Variants in TRHDE observed in about 807,000 individuals in gnomAD.
TRHDE encodes the protein thyrotropin-releasing hormone-degrading ectoenzyme.
A neutral mutation model predicts 125.7 loss-of-function variants in TRHDE; 72 were observed. The ratio of observed to expected loss-of-function variants is 0.57; its 90% CI spans 0.47 to 0.70. The LOEUF is 0.70. TRHDE is among the 30% of genes least tolerant of loss of function. The probability of loss-of-function intolerance (pLI) is 0.00; values close to 1 mark genes in which losing one functional copy is unlikely to be tolerated. For missense variants in TRHDE, 1,110 were observed against 1,327.1 expected (o/e 0.84, Z 2.54); for synonymous variants, 509 against 509.1 (o/e 1.00, Z 0.00).
chr12:72,519,480 G>C (rs1437204313), intron 6 of TRHDE, among the ~76,000 whole-genome samples: 1 of 152,064 alleles, frequency 6.6e-6, no homozygotes, highest in Admixed American at 6.6e-5. Flanking sequence ...CTCGAGCCTT[G>C]GTTTTCAGCT....
intron 2 of TRHDE, among the ~76,000 whole-genome samples, chr12:72,179,686 A>G (rs1420532904): frequency 1.3e-5 from 2 of 152,034 alleles, no homozygotes; most frequent in African/African-American, 2.4e-5. Context: ...TTTTGACCTC[A>G]TATTATAGCT....
chr12:72,540,032 T>G (rs1869062743), intron 6 of TRHDE, among the ~76,000 whole-genome samples: 1 of 151,788 alleles, frequency 6.6e-6, no homozygotes, highest in Admixed American at 6.6e-5. Flanking sequence ...AAGTTTATAA[T>G]GAGCTCTGCC....
intron 2 of TRHDE, among the ~76,000 whole-genome samples, chr12:72,192,143 T>G (rs1877353104): frequency 6.6e-6 from 1 of 152,130 alleles, no homozygotes; most frequent in African/African-American, 2.4e-5. Flanking sequence ...AGTGATTTTA[T>G]GTAATATTAG....
intron 2 of TRHDE, among the ~76,000 whole-genome samples, chr12:72,322,279 T>C (rs1011705037): frequency 2.0e-5 from 3 of 152,104 alleles, no homozygotes; most frequent in Non-Finnish European, 4.4e-5. Context: ...GTGCCACTTA[T>C]TTTCTTGCAT....
intron 2 of TRHDE, among the ~76,000 whole-genome samples, chr12:72,320,711 A>G (rs1162703678): frequency 6.6e-6 from 1 of 152,180 alleles, no homozygotes; most frequent in Non-Finnish European, 1.5e-5. Flanking sequence ...AATATGTGAT[A>G]AAATATGGGT....
At chr12:72,145,663 C>T (rs1423106938) in intron 2 of TRHDE, among the ~76,000 whole-genome samples, 1 of 152,152 alleles carries the variant, frequency 6.6e-6, no homozygotes, top group Non-Finnish European at 1.5e-5. Context: ...TGGTCAAAAG[C>T]TGACTCCTTC....
At chr12:72,118,747 G>A (rs755621623) in intron 2 of TRHDE, among the ~76,000 whole-genome samples, 11 of 152,074 alleles carry the variant, frequency 7.2e-5, no homozygotes, top group Non-Finnish European at 1.3e-4. Flanking sequence ...GGTCTGTTCA[G>A]GTTTTGGATT....
At chr12:72,358,394 TTCC>T (rs1870917648) in intron 2 of TRHDE, among the ~76,000 whole-genome samples, 1 of 151,656 alleles carries the variant, frequency 6.6e-6, no homozygotes, top group Admixed American at 6.6e-5. Flanking sequence ...TATATTTCTA[TTCC>T]TCATGATTTT....
chr12:72,505,983 A>G (rs1356796382), intron 6 of TRHDE, among the ~76,000 whole-genome samples: 2 of 152,152 alleles, frequency 1.3e-5, no homozygotes, highest in Non-Finnish European at 2.9e-5. Context: ...GCAAGGGGGA[A>G]AAAAGATGAT....
intron 12 of TRHDE, among the ~76,000 whole-genome samples, chr12:72,614,379 A>G (rs1872741485): frequency 6.8e-6 from 1 of 146,680 alleles, no homozygotes; most frequent in African/African-American, 2.6e-5. Context: ...GTTGACAGAG[A>G]GACTTCCCTG....
At position 72,619,054 on chromosome 12, in the gene TRHDE, T is replaced by A; in HGVS notation, c.2469+16T>A. On this transcript the variant is annotated intron_variant, in intron 13 of 18. Transcript: ENST00000261180. Reference sequence around the variant, plus strand: ...CATTTTCAATGTAAAAAGATATAATTTTTCTTTCTAATTTTTAGAAGATAC... The same window carrying A: ...CATTTTCAATGTAAAAAGATATAATATTTCTTTCTAATTTTTAGAAGATAC... The A allele has an allele frequency of 6.6e-7, 1 of 1,524,078 alleles. No homozygotes were observed. Among genetic ancestry groups the A allele is most frequent in the Non-Finnish European group, 8.8e-7 (1 of 1,136,550 alleles). The allele number at this position is 1,524,078 out of a possible 1,614,324, so 94.4% of individuals were successfully genotyped here.
chr12:72,399,860 T>G (rs2135801512), intron 3 of TRHDE, among the ~76,000 whole-genome samples: 1 of 152,294 alleles, frequency 6.6e-6, no homozygotes, highest in South Asian at 2.1e-4. Context: ...CTAGATTCTT[T>G]ATTGCCTCTG....
At chr12:72,279,505 T>C (rs1294462440) in intron 1 of TRHDE, among the ~76,000 whole-genome samples, 2 of 152,216 alleles carry the variant, frequency 1.3e-5, no homozygotes, top group Non-Finnish European at 1.5e-5. Context: ...CATGCCATCC[T>C]ACTTTCTACT....
chr12:72,287,761 C>A (rs1390064325), intron 2 of TRHDE, among the ~76,000 whole-genome samples: 1 of 152,064 alleles, frequency 6.6e-6, no homozygotes. Flanking sequence ...CTATTGGATT[C>A]TCTTTGATGG....
chr12:72,504,011 C>G (rs1424116493), intron 6 of TRHDE, among the ~76,000 whole-genome samples: 1 of 152,008 alleles, frequency 6.6e-6, no homozygotes, highest in Non-Finnish European at 1.5e-5. Context: ...AGAGGAGGAG[C>G]AATTTCTGAA....
chr12:72,142,579 TG>T (rs1442485315), intron 2 of TRHDE, among the ~76,000 whole-genome samples: 1 of 152,096 alleles, frequency 6.6e-6, no homozygotes, highest in Non-Finnish European at 1.5e-5. Flanking sequence ...CCCTCAAGCC[TG>T]GGTACCCGTG....
intron 3 of TRHDE, among the ~76,000 whole-genome samples, chr12:72,461,352 T>C (rs1166854634): frequency 6.6e-6 from 1 of 152,210 alleles, no homozygotes; most frequent in Non-Finnish European, 1.5e-5. Context: ...AGTCATTCAG[T>C]ACCTAACTGG....
chr12:72,558,601 G>A (rs577690777), intron 7 of TRHDE, among the ~76,000 whole-genome samples: 1 of 152,272 alleles, frequency 6.6e-6, no homozygotes, highest in South Asian at 2.1e-4. Flanking sequence ...TGGCTTTGTG[G>A]GAGAGACTAG....
chr12:72,149,920 G>A (rs115940076), intron 2 of TRHDE, among the ~76,000 whole-genome samples: 4,599 of 152,166 alleles, frequency 0.03, 119 homozygotes, highest in African/African-American at 0.068. Flanking sequence ...TAAGTACTTT[G>A]ATTCTTCATT....
Sources: gnomAD v4.1 joint callset for allele counts (sites outside exome capture counted in the v4.1 genomes callset) on GRCh38, gnomAD v4.1.1 for gene constraint, MANE v1.5 for transcripts, NCBI Gene and HGNC (gene_info 2026-07-23, HGNC 2026-07-21) for gene names.